Variants in BICC1 observed in about 807,000 individuals in gnomAD.
BICC1 encodes the protein BicC family RNA binding protein 1.
In BICC1, 43 loss-of-function variants were observed where a neutral mutation model predicts 111.0. That is an observed-to-expected ratio of 0.39 (90% CI 0.30 to 0.50). BICC1 has a LOEUF of 0.50. Ranked by LOEUF, BICC1 falls within the 20% of genes least tolerant of loss-of-function variation. BICC1 has a pLI of 0.88. For synonymous variants in BICC1, 467 were observed against 434.4 expected (o/e 1.07, Z -0.93); for missense variants, 1,091 against 1,203.2 (o/e 0.91, Z 1.38).
chr10:58,707,888 T>C (rs1840438391), intron 3 of BICC1, among the ~76,000 whole-genome samples: 1 of 151,934 alleles, frequency 6.6e-6, no homozygotes, highest in South Asian at 2.1e-4. Context: ...GTAGAGACAG[T>C]GTTTCTCCAT....
At chr10:58,623,394 T>G (rs546327784) in intron 2 of BICC1, among the ~76,000 whole-genome samples, 1 of 151,474 alleles carries the variant, frequency 6.6e-6, no homozygotes, top group South Asian at 2.1e-4. Context: ...TTCCATTGAG[T>G]CAACGTTACT....
Position 58,740,353 on chromosome 10 carries a change from T to C in BICC1, c.307+38210T>C, listed in dbSNP as rs549175424. 2.8e-4 allele frequency among the ~76,000 whole-genome samples: 43 copies of C among 152,364 alleles called. 1 individual carries two copies. Among genetic ancestry groups the C allele is most frequent in the Middle Eastern group, 3.4e-3 (1 of 294 alleles). On this transcript the variant is annotated intron_variant, in intron 3 of 20. Coordinates refer to ENST00000373886, the MANE Select transcript of BICC1 (RefSeq NM_001080512.3). ...TTAGAAATTATATTTTGGAAACTTA[T>C]CAGAGTCTTAAGGTTTTGTGCTGTT...
chr10:58,632,607 A>G (rs888699724), intron 2 of BICC1, among the ~76,000 whole-genome samples: 2 of 152,138 alleles, frequency 1.3e-5, no homozygotes, highest in Non-Finnish European at 2.9e-5. Flanking sequence ...GAATTTAACT[A>G]GTATGTTGGG....
At chr10:58,728,560 T>C (rs1435929229) in intron 3 of BICC1, among the ~76,000 whole-genome samples, 1 of 152,164 alleles carries the variant, frequency 6.6e-6, no homozygotes, top group East Asian at 1.9e-4. Context: ...CAAACTCCCG[T>C]TATAATTGCT....
intron 1 of BICC1, among the ~76,000 whole-genome samples, chr10:58,611,719 A>T (rs1845428420): frequency 6.6e-6 from 1 of 151,782 alleles, no homozygotes; most frequent in Admixed American, 6.6e-5. Flanking sequence ...CAAACTCCTG[A>T]CCTCAGGTGA....
In BICC1 at chr10:58,617,906, A is replaced by G. The variant is rs145941276; in HGVS notation, c.191-2949A>G. ...GGCAGGGAAATAAAAGCTTGGCTAA[A>G]TGTACAAAGCAACATTGGTGTAATG... On this transcript the variant is annotated intron_variant, in intron 1 of 20. Coordinates refer to ENST00000373886, the MANE Select transcript of BICC1 (RefSeq NM_001080512.3). Among the ~76,000 whole-genome samples, 583 of 152,370 alleles carry G rather than the reference A, an allele frequency of 3.8e-3. 6 individuals carry two copies. Among genetic ancestry groups the G allele is most frequent in the African/African-American group, 0.013 (550 of 41,592 alleles).
chr10:58,573,009 C>T (rs1844007108), intron 1 of BICC1, among the ~76,000 whole-genome samples: 1 of 151,862 alleles, frequency 6.6e-6, no homozygotes, highest in African/African-American at 2.4e-5. Flanking sequence ...GTAGATAATT[C>T]ATATTTGACT....
intron 4 of BICC1, among the ~76,000 whole-genome samples, chr10:58,785,888 A>T (rs1204896592): frequency 6.6e-6 from 1 of 152,042 alleles, no homozygotes; most frequent in Non-Finnish European, 1.5e-5. Context: ...TCTCCCTCTG[A>T]TCGCTTTCTT....
intron 1 of BICC1, among the ~76,000 whole-genome samples, chr10:58,589,857 A>G (rs2132036342): frequency 6.6e-6 from 1 of 152,060 alleles, no homozygotes; most frequent in East Asian, 1.9e-4. Context: ...TGCAGTGGCT[A>G]TTCATAGGCA....
chr10:58,741,936 A>G (rs1653831465), intron 3 of BICC1, among the ~76,000 whole-genome samples: 1 of 152,190 alleles, frequency 6.6e-6, no homozygotes, highest in African/African-American at 2.4e-5. Flanking sequence ...GTAGGAATGG[A>G]ATGGATAATC....
intron 12 of BICC1, 85 bp downstream of exon 12, chr10:58,799,337 G>T: frequency 3.0e-6 from 3 of 1,011,208 alleles, no homozygotes; most frequent in Non-Finnish European, 2.8e-6. Flanking sequence ...ATGCTAGAAT[G>T]TGTGTGTGTG....
intron 1 of BICC1, among the ~76,000 whole-genome samples, chr10:58,601,173 T>TATATAAAA (rs752405472): frequency 3.8e-5 from 5 of 131,088 alleles, no homozygotes; most frequent in Admixed American, 7.7e-5. Flanking sequence ...TATATATATC[T>TATATAAAA]CCCAATAAAA....
intron 3 of BICC1, among the ~76,000 whole-genome samples, chr10:58,760,202 G>A (rs1358081657): frequency 6.6e-6 from 1 of 152,120 alleles, no homozygotes; most frequent in Non-Finnish European, 1.5e-5. Context: ...GAATGGGAAT[G>A]ATTTTCTCAG....
chr10:58,644,062 A>G (rs1466908685), intron 2 of BICC1, among the ~76,000 whole-genome samples: 1 of 152,200 alleles, frequency 6.6e-6, no homozygotes, highest in African/African-American at 2.4e-5. Flanking sequence ...ACGATGAGAT[A>G]TATACCTGTC....
intron 3 of BICC1, among the ~76,000 whole-genome samples, chr10:58,757,356 G>T (rs1294248612): frequency 2.0e-5 from 3 of 152,084 alleles, no homozygotes; most frequent in Admixed American, 2.0e-4. Context: ...TTGACGTTAT[G>T]GTTAAATATA....
intron 2 of BICC1, among the ~76,000 whole-genome samples, chr10:58,681,698 G>A (rs979278680): frequency 1.3e-5 from 2 of 152,094 alleles, no homozygotes; most frequent in African/African-American, 4.8e-5. Flanking sequence ...GAACGAAGCC[G>A]TGGACCCTCG....
chr10:58,799,029 ATC>A, intron 11 of BICC1, 25 bp from the exon 12 acceptor site: 8 of 1,456,208 alleles, frequency 5.5e-6, no homozygotes, highest in Admixed American at 2.1e-5. Context: ...TCTTCCTAAT[ATC>A]TGTCATCATA....
intron 1 of BICC1, among the ~76,000 whole-genome samples, chr10:58,560,667 C>G (rs1215227104): frequency 6.6e-6 from 1 of 151,542 alleles, no homozygotes; most frequent in African/African-American, 2.4e-5. Flanking sequence ...GGTCTTGCCA[C>G]TGTTTTGATG....
chr10:58,540,538 A>T (rs1396328827), intron 1 of BICC1, among the ~76,000 whole-genome samples: 1 of 152,056 alleles, frequency 6.6e-6, no homozygotes. Flanking sequence ...ACATTTCCAG[A>T]AATGTACAAT....
Sources: gnomAD v4.1 joint callset for allele counts (sites outside exome capture counted in the v4.1 genomes callset) on GRCh38, gnomAD v4.1.1 for gene constraint, MANE v1.5 for transcripts, NCBI Gene and HGNC (gene_info 2026-07-23, HGNC 2026-07-21) for gene names.